PSMD14: variants seen among roughly 807,000 people sequenced by gnomAD.
The protein encoded by PSMD14 is proteasome 26S subunit, non-ATPase 14, also known as ubiquitin C-terminal hydrolase PSMD14.
A neutral mutation model predicts 41.2 loss-of-function variants in PSMD14; 7 were observed. The observed-to-expected ratio is 0.17, with a 90% CI of 0.10 to 0.32. The LOEUF (loss-of-function observed/expected upper bound fraction) is 0.32, where lower values mean the gene tolerates loss of function less well. PSMD14 is among the 10% of genes least tolerant of loss of function. PSMD14 has a pLI of 1.00. For missense variants in PSMD14, 139 were observed against 375.6 expected, an observed-to-expected ratio of 0.37 and a Z score of 5.21; for synonymous variants, 114 against 122.3, an observed-to-expected ratio of 0.93 and a Z score of 0.45.
intron 9 of PSMD14, 117 bp from the exon 10 acceptor site, chr2:161,394,958 TTAA>T (rs752120710): frequency 1.7e-5 from 15 of 877,464 alleles, no homozygotes; most frequent in Non-Finnish European, 2.5e-5. Context: ...TTCATTTGAA[TTAA>T]TAAAGTTAAA....
At chr2:161,360,883 T>C (rs1036383246) in intron 3 of PSMD14, among the ~76,000 whole-genome samples, 14 of 152,264 alleles carry the variant, frequency 9.2e-5, no homozygotes, top group Admixed American at 7.8e-4. Flanking sequence ...GTCTCTATTA[T>C]TCTTTGCCCA....
intron 7 of PSMD14, chr2:161,381,450 A>G (rs796431156): frequency 2.0e-5 from 3 of 151,966 alleles, no homozygotes; most frequent in African/African-American, 7.2e-5. Context: ...AGAGAGAGAA[A>G]AAAATTACAG....
At chr2:161,398,589 C>A (rs960672868) in intron 10 of PSMD14, among the ~76,000 whole-genome samples, 1 of 151,476 alleles carries the variant, frequency 6.6e-6, no homozygotes, top group Non-Finnish European at 1.5e-5. Context: ...AATGAATGTG[C>A]AGGTGAAAAA....
intron 3 of PSMD14, among the ~76,000 whole-genome samples, chr2:161,361,199 G>T (rs1320196697): frequency 6.6e-6 from 1 of 151,852 alleles, no homozygotes; most frequent in Non-Finnish European, 1.5e-5. Flanking sequence ...ATATAGGAAA[G>T]GAAATTTAGT....
intron 3 of PSMD14, among the ~76,000 whole-genome samples, chr2:161,319,867 T>C (rs1393001713): frequency 6.6e-6 from 1 of 152,188 alleles, no homozygotes; most frequent in Non-Finnish European, 1.5e-5. Context: ...AAAGTTGAAA[T>C]CTTTTTGTGA....
At chr2:161,317,014 T>C (rs1689155118) in intron 2 of PSMD14, among the ~76,000 whole-genome samples, 1 of 152,166 alleles carries the variant, frequency 6.6e-6, no homozygotes, top group Admixed American at 6.5e-5. Flanking sequence ...TGTATGTTGT[T>C]TGTTTTTTCT....
At chr2:161,398,594 GA>G (rs1234614342) in intron 10 of PSMD14, among the ~76,000 whole-genome samples, 1 of 151,748 alleles carries the variant, frequency 6.6e-6, no homozygotes, top group Non-Finnish European at 1.5e-5. Flanking sequence ...ATGTGCAGGT[GA>G]AAAAATGAAT....
chr2:161,410,395 A>G (rs1015346612), intron 11 of PSMD14, among the ~76,000 whole-genome samples: 1 of 152,076 alleles, frequency 6.6e-6, no homozygotes, highest in African/African-American at 2.4e-5. Flanking sequence ...GTTTAAAGTT[A>G]GGAGTCTTGG....
At chr2:161,403,241 A>G (rs765984831) in intron 10 of PSMD14, among the ~76,000 whole-genome samples, 54 of 152,208 alleles carry the variant, frequency 3.5e-4, no homozygotes, top group Non-Finnish European at 5.1e-4. Flanking sequence ...GATACATGCT[A>G]CTACATGGAT....
At chr2:161,327,946 CTGTGTGTGTGTG>C (rs369674882) in intron 3 of PSMD14, among the ~76,000 whole-genome samples, 1 of 117,116 alleles carries the variant, frequency 8.5e-6, no homozygotes, top group Non-Finnish European at 1.8e-5. Flanking sequence ...CTCATGTAAG[CTGTGTGTGTGTG>C]TGTGTGTGTG....
intron 10 of PSMD14, among the ~76,000 whole-genome samples, chr2:161,400,237 C>T (rs1247468884): frequency 6.6e-6 from 1 of 152,212 alleles, no homozygotes; most frequent in Non-Finnish European, 1.5e-5. Flanking sequence ...TCTCTCTGCT[C>T]TGCTTTCCTT....
At chr2:161,319,378 A>G (rs1689177546) in intron 3 of PSMD14, among the ~76,000 whole-genome samples, 1 of 152,114 alleles carries the variant, frequency 6.6e-6, no homozygotes, top group Admixed American at 6.5e-5. Context: ...GGTTTCTTTT[A>G]TAATCTTTTT....
At chr2:161,361,610 C>G (rs1683290409) in intron 3 of PSMD14, among the ~76,000 whole-genome samples, 1 of 151,980 alleles carries the variant, frequency 6.6e-6, no homozygotes, top group Non-Finnish European at 1.5e-5. Flanking sequence ...AGAACAATCT[C>G]ACTTATGAGA....
intron 10 of PSMD14, chr2:161,407,773 G>A (rs1683971049): frequency 6.6e-6 from 1 of 151,932 alleles, no homozygotes; most frequent in African/African-American, 2.4e-5. Context: ...ACCTCCTTTT[G>A]TAACTCTTTT....
intron 9 of PSMD14, among the ~76,000 whole-genome samples, chr2:161,394,230 C>G (rs1429512117): frequency 6.6e-6 from 1 of 152,058 alleles, no homozygotes; most frequent in Non-Finnish European, 1.5e-5. Flanking sequence ...CCTTGGCCTC[C>G]CAAAGTGCTG....
At chr2:161,381,010 A>G (rs2105262357) in intron 7 of PSMD14, among the ~76,000 whole-genome samples, 1 of 152,008 alleles carries the variant, frequency 6.6e-6, no homozygotes, top group African/African-American at 2.4e-5. Flanking sequence ...CTTTCTTTCC[A>G]CACCTTTCAT....
At chr2:161,365,527 T>TA (rs964099535) in intron 3 of PSMD14, among the ~76,000 whole-genome samples, 18 of 151,214 alleles carry the variant, frequency 1.2e-4, no homozygotes, top group African/African-American at 3.6e-4. Flanking sequence ...CCTTTTTTTC[T>TA]AAAAAAAAAT....
intron 10 of PSMD14, among the ~76,000 whole-genome samples, chr2:161,400,202 A>C (rs1683857115): frequency 6.6e-6 from 1 of 152,228 alleles, no homozygotes; most frequent in Non-Finnish European, 1.5e-5. Flanking sequence ...AACTTCAAAG[A>C]CATTAGAGAC....
intron 4 of PSMD14, 104 bp downstream of exon 4, chr2:161,367,653 C>A: frequency 7.0e-7 from 1 of 1,420,170 alleles, no homozygotes; most frequent in Non-Finnish European, 9.6e-7. Context: ...CATAAATAAG[C>A]TATTGTTTTA....
Sources: gnomAD v4.1 joint callset for allele counts (sites outside exome capture counted in the v4.1 genomes callset) on GRCh38, gnomAD v4.1.1 for gene constraint, MANE v1.5 for transcripts, NCBI Gene and HGNC (gene_info 2026-07-23, HGNC 2026-07-21) for gene names.